The following CCDC62 variants were observed in gnomAD, a reference collection of about 807,000 sequenced individuals.
The protein encoded by CCDC62 is coiled-coil domain containing 62, also known as coiled-coil domain-containing protein 62.
In CCDC62, 72 loss-of-function variants were observed where a neutral mutation model predicts 80.8. The observed-to-expected ratio is 0.89, with a 90% CI of 0.74 to 1.08. The LOEUF is 1.08. Among genes scored for constraint, CCDC62 ranks in the 50% least tolerant of loss-of-function variants. CCDC62 has a pLI of 0.00. For synonymous variants in CCDC62, 286 were observed against 296.5 expected (o/e 0.96, Z 0.36); for missense variants, 704 against 809.4 (o/e 0.87, Z 1.58).
intron 2 of CCDC62, among the ~76,000 whole-genome samples, chr12:122,778,640 G>A (rs1378890659): frequency 6.6e-6 from 1 of 152,132 alleles, no homozygotes; most frequent in Non-Finnish European, 1.5e-5. Context: ...AGCACTTTGG[G>A]AGGCTGAGGC....
Position 122,788,920 on chromosome 12 carries a change from A to C in CCDC62, c.661A>C (p.Lys221Gln). 2 of 1,593,490 alleles carry C rather than the reference A, an allele frequency of 1.3e-6. No individual in the cohort carries two copies. Among genetic ancestry groups the C allele is most frequent in the Non-Finnish European group, 8.5e-7 (1 of 1,174,218 alleles). The part of the protein sequence containing the change: ...KLKALKIEVN[K>Q]LKEDLNEKTT... Reference sequence around the variant, plus strand: ...GAAGGCACTTAAGATTGAAGTCAACAAACTAAAAGGTAAGGAAGAGACCTA... The same window carrying C: ...GAAGGCACTTAAGATTGAAGTCAACCAACTAAAAGGTAAGGAAGAGACCTA... Residue 221 changes from lysine to glutamine, a missense_variant, in exon 5 of 13, where the codon AAA (lysine) becomes CAA (glutamine). Transcript: ENST00000253079.
At chr12:122,809,387 G>T (rs1452217375) in intron 10 of CCDC62, among the ~76,000 whole-genome samples, 2 of 152,164 alleles carry the variant, frequency 1.3e-5, no homozygotes, top group East Asian at 3.9e-4. Flanking sequence ...CCACTCAAGA[G>T]GTTGACGTGG....
intron 11 of CCDC62, among the ~76,000 whole-genome samples, chr12:122,821,605 A>G (rs1271236993): frequency 6.6e-6 from 1 of 150,414 alleles, no homozygotes; most frequent in African/African-American, 2.5e-5. Context: ...GTTTGTCACC[A>G]TGCCTGGCTA....
chr12:122,812,817 AAG>A (rs1366929553), intron 10 of CCDC62, among the ~76,000 whole-genome samples: 5 of 149,990 alleles, frequency 3.3e-5, no homozygotes, highest in South Asian at 2.1e-4. Context: ...GAAAGAAAGA[AAG>A]AAAGAAAGAA....
intron 5 of CCDC62, among the ~76,000 whole-genome samples, chr12:122,791,340 G>A (rs1384014254): frequency 6.7e-6 from 1 of 149,446 alleles, no homozygotes; most frequent in East Asian, 2.0e-4. Flanking sequence ...GGTTTTACCA[G>A]GTTGGCCAGG....
rs2135560146 is a variant in CCDC62 at position 122,801,514 on chromosome 12, T to G, written c.1368T>G (p.Ser456=). ...AACCCTCAGAAACACCCACTTTATC[T>G]GATGAGAAGCAGTGGCATGATGTCA... The part of the protein sequence containing the change: ...GKQPSETPTL[S]DEKQWHDVSV... Residue 456 remains serine, a synonymous_variant, in exon 9 of 13, where the codon TCT becomes TCG. Coordinates refer to ENST00000253079, the MANE Select transcript of CCDC62 (RefSeq NM_201435.5). The G allele has an allele frequency of 6.2e-7, 1 of 1,614,114 alleles. No individual in the cohort carries two copies. Among genetic ancestry groups the G allele is most frequent in the Non-Finnish European group, 8.5e-7 (1 of 1,180,022 alleles).
Position 122,777,501 on chromosome 12 carries a change from C to A in CCDC62, c.47C>A (p.Ser16Ter). ...AFLAGRQNIG[S>*]EVEISTIEKQ... ...GCTTTCTATGTTTAGAACATCGGGT[C>A]AGAAGTTGAGATTTCCACTATCGAG... Residue 16 changes from serine (S) to a stop codon, truncating the protein, a stop_gained, in exon 2 of 13, where the codon TCA (serine) becomes TAA (stop). Transcript: ENST00000253079. LOFTEE classifies it high-confidence loss of function. 6.2e-7 allele frequency: 1 copy of A among 1,610,508 alleles called. No individual in the cohort carries two copies. Among genetic ancestry groups the A allele is most frequent in the South Asian group, 1.1e-5 (1 of 90,548 alleles).
chr12:122,791,459 CT>C (rs1345956277), intron 5 of CCDC62, among the ~76,000 whole-genome samples: 5 of 149,406 alleles, frequency 3.3e-5, no homozygotes, highest in Non-Finnish European at 7.4e-5. Flanking sequence ...TTTTACTTTA[CT>C]TTTTTTTGAG....
chr12:122,779,416 GGAATATTCTCACCCTTTAATA>G (rs1299711718), intron 2 of CCDC62, among the ~76,000 whole-genome samples: 1 of 152,226 alleles, frequency 6.6e-6, no homozygotes, highest in African/African-American at 2.4e-5. Flanking sequence ...GCCACTTCTA[GGAATATTCTCACCCTTTAATA>G]GACACATGAA....
At chr12:122,785,545 A>G (rs1044111955) in intron 3 of CCDC62, among the ~76,000 whole-genome samples, 174 bp from the exon 4 acceptor site, 1 of 152,238 alleles carries the variant, frequency 6.6e-6, no homozygotes. Flanking sequence ...AGGCCACTTC[A>G]TTACTAAAAC....
chr12:122,788,874 G>A lies in CCDC62; in HGVS notation c.615G>A (p.Lys205=). 1 of 1,611,458 alleles carries A rather than the reference G, an allele frequency of 6.2e-7. No homozygotes were observed. Among genetic ancestry groups the A allele is most frequent in the South Asian group, 1.1e-5 (1 of 90,240 alleles). The change falls in exon 5 of 13, where the codon AAG becomes AAA. Residue 205 remains lysine (K), a synonymous_variant. Coordinates refer to ENST00000253079, the MANE Select transcript of CCDC62 (RefSeq NM_201435.5). ...CGGAGACTTGTATTGTGAAAGAAAA[G>A]CAAGATTATAAGCAGAAATTGAAGG... ...KMAETCIVKE[K]QDYKQKLKAL...
At chr12:122,782,879 G>A (rs1279766242) in intron 3 of CCDC62, among the ~76,000 whole-genome samples, 2 of 151,816 alleles carry the variant, frequency 1.3e-5, no homozygotes, top group East Asian at 2.0e-4. Flanking sequence ...AGGCCGAGGT[G>A]GGCGGTGACT....
At chr12:122,806,373 C>A in intron 10 of CCDC62, 78 bp downstream of exon 10, 1 of 1,179,658 alleles carries the variant, frequency 8.5e-7, no homozygotes, top group Non-Finnish European at 1.1e-6. Context: ...CTAGCAACCA[C>A]TGTTAGCTTG....
chr12:122,801,545 T>C lies in CCDC62; in HGVS notation c.1399T>C (p.Tyr467His). Residue 467 changes from tyrosine to histidine, a missense_variant, in exon 9 of 13, where the codon TAC becomes CAC. Coordinates refer to ENST00000253079, the MANE Select transcript of CCDC62 (RefSeq NM_201435.5). ...GAAGCAGTGGCATGATGTCAGTGTT[T>C]ACCTGGGCCTGACCAACTGTCCAAG... ...DEKQWHDVSV[Y>H]LGLTNCPSSK... The C allele has an allele frequency of 1.9e-6, 3 of 1,614,144 alleles. No homozygotes were observed. Among genetic ancestry groups the C allele is most frequent in the Non-Finnish European group, 2.5e-6 (3 of 1,180,020 alleles).
At chr12:122,825,602 C>T (rs576450346) in intron 12 of CCDC62, among the ~76,000 whole-genome samples, 225 of 147,668 alleles carry the variant, frequency 1.5e-3, no homozygotes, top group African/African-American at 5.4e-3. Flanking sequence ...GTGATCCGCC[C>T]GCCTCGGCCT....
intron 4 of CCDC62, among the ~76,000 whole-genome samples, chr12:122,786,892 G>A (rs929690582): frequency 6.6e-6 from 1 of 152,092 alleles, no homozygotes; most frequent in Non-Finnish European, 1.5e-5. Flanking sequence ...CCTGGGAGGC[G>A]GAGCTTGCAG....
At chr12:122,795,799 G>C (rs2030917575) in intron 6 of CCDC62, among the ~76,000 whole-genome samples, 1 of 152,180 alleles carries the variant, frequency 6.6e-6, no homozygotes, top group Non-Finnish European at 1.5e-5. Flanking sequence ...TTACATTTCT[G>C]TGGGTCCTGA....
intron 3 of CCDC62, among the ~76,000 whole-genome samples, chr12:122,782,734 A>G (rs1311821329): frequency 6.6e-6 from 1 of 151,784 alleles, no homozygotes; most frequent in Admixed American, 6.6e-5. Flanking sequence ...CTGGGATTAC[A>G]GGTGTGAGCC....
chr12:122,818,452 CAAAAAAAAAAA>C (rs138729013), intron 11 of CCDC62, among the ~76,000 whole-genome samples: 1 of 61,962 alleles, frequency 1.6e-5, no homozygotes, highest in Non-Finnish European at 3.5e-5. Flanking sequence ...GACTCTGTCT[CAAAAAAAAAAA>C]AAAAAAAAAA....
Sources: allele counts gnomAD v4.1 joint callset (sites outside exome capture counted in the v4.1 genomes callset), GRCh38; gene constraint gnomAD v4.1.1; transcripts MANE v1.5; gene names NCBI Gene and HGNC (gene_info 2026-07-23, HGNC 2026-07-21).